The following NUP153 variants were observed in gnomAD, a reference collection of about 807,000 sequenced individuals.
NUP153 encodes nucleoporin 153, also known as nuclear pore complex protein Nup153.
Under a neutral mutation model 134.6 loss-of-function variants are expected in NUP153, and 27 were observed. That is an observed-to-expected ratio of 0.20 (90% CI 0.15 to 0.28). NUP153 has a LOEUF of 0.28. Among genes scored for constraint, NUP153 ranks in the 10% least tolerant of loss-of-function variants. The pLI, the probability that NUP153 is intolerant of heterozygous loss-of-function variation, is 1.00. For synonymous variants in NUP153, 640 were observed against 623.5 expected (o/e 1.03, Z -0.40); for missense variants, 1,821 against 1,731.3 (o/e 1.05, Z -0.92).
chr6:17,650,521 T>C (rs1336739819), intron 11 of NUP153, among the ~76,000 whole-genome samples: 16 of 152,164 alleles, frequency 1.1e-4, no homozygotes, highest in East Asian at 1.9e-4. Context: ...GAGAAGTCCA[T>C]TGCCAGCTAA....
At chr6:17,646,988 C>T (rs1335181224) in intron 13 of NUP153, among the ~76,000 whole-genome samples, 1 of 149,972 alleles carries the variant, frequency 6.7e-6, no homozygotes, top group Non-Finnish European at 1.5e-5. Flanking sequence ...AACTCTTGAC[C>T]TCAAGTGATC....
chr6:17,668,464 C>CA (rs1012487677), intron 8 of NUP153, among the ~76,000 whole-genome samples: 29 of 149,754 alleles, frequency 1.9e-4, no homozygotes, highest in African/African-American at 5.1e-4. Context: ...CTGAATAGCC[C>CA]AAAAAAAAAT....
At chr6:17,640,516 TATA>T (rs1765783033) in intron 14 of NUP153, among the ~76,000 whole-genome samples, 2 of 152,258 alleles carry the variant, frequency 1.3e-5, no homozygotes, top group Non-Finnish European at 2.9e-5. Flanking sequence ...ATCCTTCAGT[TATA>T]ATATTGAAAA....
intron 2 of NUP153, among the ~76,000 whole-genome samples, chr6:17,685,444 G>T (rs1466131560): frequency 6.6e-6 from 1 of 151,934 alleles, no homozygotes; most frequent in Non-Finnish European, 1.5e-5. Context: ...AGCTACTTGG[G>T]AGGCTGAGGC....
At chr6:17,682,232 T>C (rs1044363137) in intron 2 of NUP153, among the ~76,000 whole-genome samples, 4 of 151,772 alleles carry the variant, frequency 2.6e-5, no homozygotes, top group African/African-American at 9.7e-5. Flanking sequence ...AAAAACAACA[T>C]ACCTACTTAA....
intron 2 of NUP153, among the ~76,000 whole-genome samples, chr6:17,682,311 C>A (rs1399433663): frequency 6.6e-6 from 1 of 152,168 alleles, no homozygotes; most frequent in Non-Finnish European, 1.5e-5. Context: ...GTGGTGTTAA[C>A]AGGTCTTTGC....
chr6:17,667,058 TACTC>T (rs903841084), intron 8 of NUP153, among the ~76,000 whole-genome samples: 4 of 152,234 alleles, frequency 2.6e-5, no homozygotes, highest in Non-Finnish European at 5.9e-5. Context: ...ATGGATACGA[TACTC>T]AACCATTAGT....
At chr6:17,668,295 GT>G (rs1488256038) in intron 8 of NUP153, among the ~76,000 whole-genome samples, 1 of 151,746 alleles carries the variant, frequency 6.6e-6, no homozygotes, top group Non-Finnish European at 1.5e-5. Flanking sequence ...GTCCAGGCTG[GT>G]TTTGAACTCC....
In NUP153 at chr6:17,616,108, G is replaced by A. The variant is rs1206797912; in HGVS notation, c.4417C>T (p.Arg1473Cys). The change falls in exon 22 of 22, where the codon CGC (arginine) becomes TGC (cysteine). Residue 1473 changes from arginine to cysteine, a missense_variant. By Grantham distance (180) the Arg-to-Cys change is radical. Transcript: ENST00000262077. Reference sequence around the variant, plus strand: ...CACCAATGTGACCTTTATTTCCTGCGTCTAACAGCAGTCTTTATCTTGCGA... The same window carrying A: ...CACCAATGTGACCTTTATTTCCTGCATCTAACAGCAGTCTTTATCTTGCGA... ...SGRKIKTAVR[R>C]RK The A allele has an allele frequency of 6.2e-7, 1 of 1,611,572 alleles. No homozygotes were observed. The highest frequency in any genetic ancestry group is 8.5e-7 in the Non-Finnish European group (1 of 1,177,772).
In NUP153 at chr6:17,625,887, G is replaced by A; in HGVS notation, c.3822C>T (p.Val1274=). 2 of 1,614,220 alleles carry A rather than the reference G, an allele frequency of 1.2e-6. No individual in the cohort carries two copies. The highest frequency in any genetic ancestry group is 1.7e-6 in the Non-Finnish European group (2 of 1,180,048). ...SSTGTAVTPF[V]FGPGASSNNT... ...TATTACTGCTGGCTCCTGGACCAAAGACAAATGGGGTGACAGCTGTACCTG... is the reference window on the plus strand; with the variant it reads ...TATTACTGCTGGCTCCTGGACCAAAAACAAATGGGGTGACAGCTGTACCTG... The change falls in exon 19 of 22, where the codon GTC becomes GTT. Residue 1274 remains valine, a synonymous_variant. Coordinates refer to ENST00000262077, the MANE Select transcript of NUP153 (RefSeq NM_005124.4). The surrounding 1 kb of genome is among the most constrained non-coding windows in gnomAD (Gnocchi z 4.7).
intron 20 of NUP153, among the ~76,000 whole-genome samples, chr6:17,617,047 C>T (rs1018669078): frequency 6.6e-6 from 1 of 152,282 alleles, no homozygotes; most frequent in Non-Finnish European, 1.5e-5. Context: ...CTGCACCCGG[C>T]CGCAACATGA....
Position 17,624,542 on chromosome 6 carries a change from A to G in NUP153, c.4174+19T>C. 6.2e-7 allele frequency: 1 copy of G among 1,612,056 alleles called. No homozygotes were observed. Among genetic ancestry groups the G allele is most frequent in the Non-Finnish European group, 8.5e-7 (1 of 1,178,418 alleles). On this transcript the variant is annotated intron_variant, in intron 20 of 21. Coordinates refer to ENST00000262077, the MANE Select transcript of NUP153 (RefSeq NM_005124.4). ...ACACAAAACCCATACAGATACTAAC[A>G]GCATCACAGCACACTTACTAGAATT...
intron 11 of NUP153, among the ~76,000 whole-genome samples, chr6:17,659,660 A>G (rs966630653): frequency 1.3e-4 from 20 of 152,078 alleles, no homozygotes; most frequent in Non-Finnish European, 1.9e-4. Flanking sequence ...TTTAGTAAAG[A>G]CGGGGTTTCA....
intron 9 of NUP153, among the ~76,000 whole-genome samples, chr6:17,663,620 A>G (rs1767336971): frequency 6.6e-6 from 1 of 152,208 alleles, no homozygotes; most frequent in African/African-American, 2.4e-5. Context: ...GGAGGGAGAT[A>G]AAGCAAATAT....
At chr6:17,659,717 C>T (rs949934385) in intron 11 of NUP153, among the ~76,000 whole-genome samples, 18 of 152,142 alleles carry the variant, frequency 1.2e-4, no homozygotes, top group African/African-American at 3.4e-4. Context: ...GTGATCCGCC[C>T]GCCTTGGCCT....
intron 20 of NUP153, among the ~76,000 whole-genome samples, chr6:17,621,840 C>T (rs1022608208): frequency 1.6e-4 from 24 of 152,088 alleles, no homozygotes; most frequent in African/African-American, 5.1e-4. Flanking sequence ...CTGAAATGTT[C>T]CCAACACAAA....
At chr6:17,654,369 C>T (rs965695985) in intron 11 of NUP153, among the ~76,000 whole-genome samples, 3 of 151,514 alleles carry the variant, frequency 2.0e-5, no homozygotes, top group Non-Finnish European at 2.9e-5. Context: ...TTGCCCGGGC[C>T]GGACTGCAGT....
intron 20 of NUP153, among the ~76,000 whole-genome samples, chr6:17,622,479 A>G (rs1163095576): frequency 6.6e-6 from 1 of 152,200 alleles, no homozygotes; most frequent in African/African-American, 2.4e-5. Flanking sequence ...AATTTAAAAA[A>G]GGATTTTCTA....
chr6:17,701,714 A>C (rs977686943), intron 1 of NUP153, among the ~76,000 whole-genome samples: 3 of 150,958 alleles, frequency 2.0e-5, no homozygotes, highest in African/African-American at 7.3e-5. Flanking sequence ...TGCGCCTGTA[A>C]TCCCAGCTAC....
Sources: allele counts gnomAD v4.1 joint callset (sites outside exome capture counted in the v4.1 genomes callset), GRCh38; gene constraint gnomAD v4.1.1; non-coding constraint Gnocchi (gnomAD v3.1); transcripts MANE v1.5; gene names NCBI Gene and HGNC (gene_info 2026-07-23, HGNC 2026-07-21).